Variants in LRRIQ3 observed in about 807,000 individuals in gnomAD.
LRRIQ3 encodes leucine-rich repeat and IQ domain-containing protein 3.
Under a neutral mutation model 59.3 loss-of-function variants are expected in LRRIQ3, and 75 were observed. That is an observed-to-expected ratio of 1.26 (90% confidence interval 1.05 to 1.53). LRRIQ3 has a LOEUF of 1.53. Among genes scored for constraint, LRRIQ3 ranks in the 40% most tolerant of loss-of-function variants. The pLI, the probability that LRRIQ3 is intolerant of heterozygous loss-of-function variation, is 0.00. For synonymous variants in LRRIQ3, 250 were observed against 231.3 expected, an observed-to-expected ratio of 1.08 and a Z score of -0.73; for missense variants, 831 against 710.0, an observed-to-expected ratio of 1.17 and a Z score of -1.94.
intron 5 of LRRIQ3, among the ~76,000 whole-genome samples, chr1:74,102,224 G>A (rs1330339423): frequency 6.6e-6 from 1 of 151,928 alleles, no homozygotes; most frequent in Non-Finnish European, 1.5e-5. Context: ...CAAATTATTC[G>A]ATACTGATAC....
chr1:74,122,398 C>T lies in LRRIQ3; in HGVS notation c.708-12845G>A, dbSNP rs574123508. 3.2e-4 allele frequency among the ~76,000 whole-genome samples: 48 copies of T among 152,230 alleles called. No individual in the cohort carries two copies. In the East Asian group the frequency reaches 9.1e-3, roughly 29 times the overall value. ...TGTCTTCTTTTGAGAAGTGTCTGTT[C>T]ATATCCTTCGCCCACTTTTTGATGG... On this transcript the variant is annotated intron_variant, in intron 4 of 7. Coordinates refer to ENST00000354431, the MANE Select transcript of LRRIQ3 (RefSeq NM_001105659.2).
chr1:74,158,420 C>T (rs1030282388), intron 3 of LRRIQ3, among the ~76,000 whole-genome samples: 1 of 152,116 alleles, frequency 6.6e-6, no homozygotes, highest in South Asian at 2.1e-4. Context: ...CTCAATTTAT[C>T]CTACATAGAA....
At chr1:74,164,611 A>C (rs1186617918) in intron 3 of LRRIQ3, among the ~76,000 whole-genome samples, 1 of 151,566 alleles carries the variant, frequency 6.6e-6, no homozygotes, top group African/African-American at 2.4e-5. Context: ...TCTGTAGCTT[A>C]TCTTTTCATT....
intron 5 of LRRIQ3, chr1:74,083,959 A>C (rs1646299424): frequency 2.4e-6 from 1 of 409,602 alleles, no homozygotes; most frequent in Non-Finnish European, 4.4e-6. Context: ...ATGAGGAAGG[A>C]AATAATATCA....
chr1:74,109,808 C>T (rs1299036659), intron 4 of LRRIQ3, among the ~76,000 whole-genome samples: 1 of 151,610 alleles, frequency 6.6e-6, no homozygotes, highest in Non-Finnish European at 1.5e-5. Context: ...TTACATCTGG[C>T]TAAGCATTTT....
At chr1:74,190,915 G>T (rs753456371) in intron 1 of LRRIQ3, among the ~76,000 whole-genome samples, 6 of 152,104 alleles carry the variant, frequency 3.9e-5, no homozygotes, top group African/African-American at 9.7e-5. Flanking sequence ...GAATTTATAA[G>T]GGGAAACCCC....
intron 6 of LRRIQ3, among the ~76,000 whole-genome samples, chr1:74,073,136 G>A (rs1655073079): frequency 6.6e-6 from 1 of 152,116 alleles, no homozygotes; most frequent in Middle Eastern, 3.4e-3. Context: ...TCCTATCTCT[G>A]CTCCTTCGCT....
chr1:74,046,689 A>C (rs563621742), intron 6 of LRRIQ3, among the ~76,000 whole-genome samples: 1 of 152,212 alleles, frequency 6.6e-6, no homozygotes, highest in Non-Finnish European at 1.5e-5. Flanking sequence ...AAAATTTTGC[A>C]ATCTGTCCAT....
rs1459086436 is a variant in LRRIQ3, at chr1:74,041,934, C to T, written c.998-1G>A. On this transcript the variant is annotated splice_acceptor_variant, in intron 6 of 7. Coordinates refer to ENST00000354431, the MANE Select transcript of LRRIQ3 (RefSeq NM_001105659.2). LOFTEE classifies it high-confidence loss of function. ...ACAATTTCATCTTCAGACTCCTGAC[C>T]TACATCAAACAGAAGCAAATATTAT... 1 of 1,584,632 alleles carries T rather than the reference C, an allele frequency of 6.3e-7. No homozygotes were observed. Among genetic ancestry groups the T allele is most frequent in the Non-Finnish European group, 8.6e-7 (1 of 1,167,500 alleles).
At chr1:74,167,364 C>G (rs1649050825) in intron 3 of LRRIQ3, among the ~76,000 whole-genome samples, 1 of 151,342 alleles carries the variant, frequency 6.6e-6, no homozygotes, top group East Asian at 1.9e-4. Flanking sequence ...AATGGAAAAC[C>G]AAATATCGTA....
intron 6 of LRRIQ3, among the ~76,000 whole-genome samples, chr1:74,046,499 A>G (rs1654207727): frequency 6.6e-6 from 1 of 152,338 alleles, no homozygotes; most frequent in South Asian, 2.1e-4. Context: ...AAAACCCTAG[A>G]AGAAAACCTA....
In LRRIQ3 at chr1:74,113,929, C is replaced by CAT. The variant is rs555597591; in HGVS notation, c.708-4378_708-4377dup. Reference sequence around the variant, plus strand: ...CTAATTGAAAAAGTAATTATATAAACATATATATATAAATCCCCTCTCTCT... The same window carrying CAT: ...CTAATTGAAAAAGTAATTATATAAACATATATATATATAAATCCCCTCTCTCT... On this transcript the variant is annotated intron_variant, in intron 4 of 7. Transcript: ENST00000354431. 5.2e-3 allele frequency among the ~76,000 whole-genome samples: 794 copies of CAT among 151,516 alleles called. 10 individuals carry two copies. The highest frequency in any genetic ancestry group is 0.018 in the African/African-American group (759 of 41,354).
chr1:74,175,312 A>G (rs566998614), intron 3 of LRRIQ3, among the ~76,000 whole-genome samples: 1 of 152,286 alleles, frequency 6.6e-6, no homozygotes, highest in East Asian at 1.9e-4. Flanking sequence ...CTGTTTGCCC[A>G]CCACTAACAG....
At chr1:74,111,806 G>T (rs1249748978) in intron 4 of LRRIQ3, among the ~76,000 whole-genome samples, 1 of 151,968 alleles carries the variant, frequency 6.6e-6, no homozygotes, top group Non-Finnish European at 1.5e-5. Flanking sequence ...CCCTGAATAA[G>T]TACAGCCAAG....
At chr1:74,091,844 C>T (rs898927921) in intron 5 of LRRIQ3, among the ~76,000 whole-genome samples, 3 of 151,978 alleles carry the variant, frequency 2.0e-5, no homozygotes, top group African/African-American at 7.2e-5. Flanking sequence ...TATTGCTTTG[C>T]CAATTGCTTT....
chr1:74,131,068 C>T (rs1647009765), intron 4 of LRRIQ3, among the ~76,000 whole-genome samples: 1 of 152,000 alleles, frequency 6.6e-6, no homozygotes, highest in African/African-American at 2.4e-5. Context: ...CACAGAAATA[C>T]AAACTACCAT....
chr1:74,053,506 CAAT>C (rs1450749858), intron 6 of LRRIQ3, among the ~76,000 whole-genome samples: 1 of 151,928 alleles, frequency 6.6e-6, no homozygotes, highest in Non-Finnish European at 1.5e-5. Context: ...TAAAACTCAA[CAAT>C]AATAAAATAA....
chr1:74,095,348 A>G (rs1417844867), intron 5 of LRRIQ3, among the ~76,000 whole-genome samples: 2 of 152,126 alleles, frequency 1.3e-5, no homozygotes, highest in Non-Finnish European at 2.9e-5. Flanking sequence ...ATTAGGGATG[A>G]TTACTCCCAA....
At chr1:74,166,533 A>G (rs1026960450) in intron 3 of LRRIQ3, among the ~76,000 whole-genome samples, 5 of 151,616 alleles carry the variant, frequency 3.3e-5, no homozygotes, top group African/African-American at 1.2e-4. Flanking sequence ...TTGGTTTTTC[A>G]GTTTCACTAA....
Sources: gnomAD v4.1 joint callset for allele counts (sites outside exome capture counted in the v4.1 genomes callset) on GRCh38, gnomAD v4.1.1 for gene constraint, MANE v1.5 for transcripts, NCBI Gene and HGNC (gene_info 2026-07-23, HGNC 2026-07-21) for gene names.